EPHA6: variants seen among roughly 807,000 people sequenced by gnomAD.
The protein encoded by EPHA6 is ephrin type-A receptor 6.
A neutral mutation model predicts 112.0 loss-of-function variants in EPHA6; 50 were observed. The ratio of observed to expected loss-of-function variants is 0.45; its 90% CI spans 0.36 to 0.56. The LOEUF is 0.56. Among genes scored for constraint, EPHA6 ranks in the 20% least tolerant of loss-of-function variants. EPHA6 has a pLI of 0.00. For synonymous variants in EPHA6, 529 were observed against 490.7 expected (o/e 1.08, Z -1.03); for missense variants, 1,280 against 1,417.4 (o/e 0.90, Z 1.56).
At chr3:96,893,465 A>C (rs2038093622) in intron 2 of EPHA6, among the ~76,000 whole-genome samples, 1 of 152,178 alleles carries the variant, frequency 6.6e-6, no homozygotes, top group African/African-American at 2.4e-5. Context: ...TATTCTCAGT[A>C]AGAGGCCATG....
intron 3 of EPHA6, among the ~76,000 whole-genome samples, chr3:97,186,074 AG>A (rs2077124076): frequency 1.5e-5 from 1 of 65,934 alleles, no homozygotes; most frequent in Non-Finnish European, 3.2e-5. Flanking sequence ...GGGTCGGGGG[AG>A]GGGGGAGGGA....
At chr3:96,895,008 T>C (rs989653916) in intron 2 of EPHA6, among the ~76,000 whole-genome samples, 4 of 152,176 alleles carry the variant, frequency 2.6e-5, no homozygotes, top group African/African-American at 9.7e-5. Context: ...AAATCTGTGA[T>C]GAATAGAAGA....
chr3:97,268,566 A>G (rs1233641325), intron 5 of EPHA6, among the ~76,000 whole-genome samples: 1 of 152,226 alleles, frequency 6.6e-6, no homozygotes, highest in East Asian at 1.9e-4. Flanking sequence ...AGGAATGGCT[A>G]TCTTGGGGAT....
At chr3:97,434,647 T>C (rs2089717574) in intron 6 of EPHA6, among the ~76,000 whole-genome samples, 1 of 152,138 alleles carries the variant, frequency 6.6e-6, no homozygotes, top group African/African-American at 2.4e-5. Context: ...GTATCTATTA[T>C]TGCATAATTT....
intron 5 of EPHA6, among the ~76,000 whole-genome samples, chr3:97,303,991 TG>T (rs2081204909): frequency 6.6e-6 from 1 of 152,066 alleles, no homozygotes; most frequent in Non-Finnish European, 1.5e-5. Flanking sequence ...GGTATTTTAC[TG>T]TCTTTGTAGC....
At chr3:97,059,057 G>A (rs1013777211) in intron 3 of EPHA6, among the ~76,000 whole-genome samples, 3 of 152,086 alleles carry the variant, frequency 2.0e-5, no homozygotes. Context: ...AATAGGAGAT[G>A]AGGAAAAAGA....
intron 2 of EPHA6, among the ~76,000 whole-genome samples, chr3:96,908,807 A>G (rs2039069213): frequency 6.6e-6 from 1 of 151,962 alleles, no homozygotes; most frequent in Non-Finnish European, 1.5e-5. Flanking sequence ...TAAACTGTTG[A>G]TGAGTTTGAA....
chr3:97,673,040 A>G (rs2031005381), intron 14 of EPHA6, among the ~76,000 whole-genome samples: 1 of 152,208 alleles, frequency 6.6e-6, no homozygotes, highest in Admixed American at 6.5e-5. Flanking sequence ...ATGCCTGTAT[A>G]TCTGGCCCTA....
rs551437581 is a variant in EPHA6 at position 97,713,320 on chromosome 3, C to A, written c.2785-6941C>A. Among the ~76,000 whole-genome samples, 15 of 152,208 alleles carry A rather than the reference C, an allele frequency of 9.9e-5. No homozygotes were observed. In the South Asian group the frequency reaches 2.1e-3, roughly 21 times the overall value. On this transcript the variant is annotated intron_variant, in intron 14 of 17. Transcript: ENST00000389672. ...ACCAATAGTTGGTGAGCTCTGGGTT[C>A]ATGAAATATAAAACCCTGAGACCTC...
At chr3:97,121,518 G>T (rs2048040668) in intron 3 of EPHA6, among the ~76,000 whole-genome samples, 1 of 152,070 alleles carries the variant, frequency 6.6e-6, no homozygotes, top group Admixed American at 6.6e-5. Flanking sequence ...GGTGGATCCA[G>T]TTGAACATAT....
intron 10 of EPHA6, among the ~76,000 whole-genome samples, chr3:97,485,340 A>G (rs1302812956): frequency 6.6e-6 from 1 of 152,208 alleles, no homozygotes; most frequent in Non-Finnish European, 1.5e-5. Flanking sequence ...CGGTGACAAC[A>G]GAGAACTAAA....
At chr3:97,162,122 AGG>A (rs2076428868) in intron 3 of EPHA6, among the ~76,000 whole-genome samples, 3 of 152,296 alleles carry the variant, frequency 2.0e-5, no homozygotes, top group South Asian at 4.1e-4. Context: ...GTCATTCTCT[AGG>A]ATCTGTCTCT....
chr3:96,952,604 T>G (rs1276436393), intron 2 of EPHA6, among the ~76,000 whole-genome samples: 1 of 152,234 alleles, frequency 6.6e-6, no homozygotes, highest in East Asian at 1.9e-4. Context: ...TATTTTCTTA[T>G]AAATTATCCT....
At chr3:97,255,376 G>A (rs1171435242) in intron 5 of EPHA6, among the ~76,000 whole-genome samples, 1 of 152,036 alleles carries the variant, frequency 6.6e-6, no homozygotes, top group African/African-American at 2.4e-5. Flanking sequence ...TTCAGCAAAG[G>A]GAAAAAGAAA....
At chr3:97,263,640 G>C (rs887998979) in intron 5 of EPHA6, among the ~76,000 whole-genome samples, 10 of 151,946 alleles carry the variant, frequency 6.6e-5, no homozygotes, top group Admixed American at 1.3e-4. Context: ...GCTTATAAAA[G>C]TTTAGAATAA....
chr3:97,638,211 A>C (rs2093967365), intron 14 of EPHA6, 129 bp downstream of exon 14: 1 of 683,954 alleles, frequency 1.5e-6, no homozygotes, highest in African/African-American at 1.8e-5. Flanking sequence ...TGATATCATT[A>C]TTTAATTGAG....
At chr3:97,654,345 A>C (rs906112794) in intron 14 of EPHA6, among the ~76,000 whole-genome samples, 1 of 151,982 alleles carries the variant, frequency 6.6e-6, no homozygotes, top group Admixed American at 6.6e-5. Context: ...ACAATCTGAG[A>C]TTCTGTACAA....
chr3:97,323,356 TA>T, intron 5 of EPHA6, among the ~76,000 whole-genome samples: 1 of 151,966 alleles, frequency 6.6e-6, no homozygotes, highest in East Asian at 1.9e-4. Flanking sequence ...GAGAAAAAAC[TA>T]AATAAATATA....
chr3:97,564,777 T>C (rs559385429), intron 11 of EPHA6, among the ~76,000 whole-genome samples: 1 of 152,320 alleles, frequency 6.6e-6, no homozygotes, highest in Non-Finnish European at 1.5e-5. Context: ...TCTCTGAGGC[T>C]AATGTTAAAT....
Sources: allele counts gnomAD v4.1 joint callset (sites outside exome capture counted in the v4.1 genomes callset), GRCh38; gene constraint gnomAD v4.1.1; transcripts MANE v1.5; gene names NCBI Gene and HGNC (gene_info 2026-07-23, HGNC 2026-07-21).